MAGED1: variants seen among roughly 807,000 people sequenced by gnomAD.
MAGED1 encodes melanoma-associated antigen D1.
A neutral mutation model predicts 54.1 loss-of-function variants in MAGED1; 3 were observed. The ratio of observed to expected loss-of-function variants is 0.06; its 90% CI spans 0.03 to 0.14. MAGED1 has a LOEUF of 0.14. Among genes scored for constraint, MAGED1 ranks in the 10% least tolerant of loss-of-function variants. MAGED1 has a pLI of 1.00. For synonymous variants in MAGED1, 217 were observed against 227.3 expected (o/e 0.95, Z 0.41); for missense variants, 485 against 623.4 (o/e 0.78, Z 2.36).
intron 1 of MAGED1, among the ~76,000 whole-genome samples, chrX:51,841,278 G>T (rs1185767516): frequency 9.1e-6 from 1 of 110,346 alleles, no homozygotes; most frequent in Non-Finnish European, 1.9e-5. Flanking sequence ...TTTTTGATGG[G>T]GTTGTTTGTT....
intron 1 of MAGED1, among the ~76,000 whole-genome samples, chrX:51,851,615 A>G (rs1271620222): frequency 1.8e-5 from 2 of 109,411 alleles, no homozygotes; most frequent in African/African-American, 3.3e-5. Context: ...CTCTCAAAAT[A>G]TCTTATTGCA....
At chrX:51,849,599 A>G (rs890759727) in intron 1 of MAGED1, among the ~76,000 whole-genome samples, 3 of 111,355 alleles carry the variant, frequency 2.7e-5, no homozygotes, top group Non-Finnish European at 3.8e-5. Context: ...TTGTGTGCCT[A>G]TTGCTCTCAT....
rs1929044371 is a variant in MAGED1, at chrX:51,901,950, A to G, written c.*8+12A>G. ...GAGTGAGATGTTGGGTAGGTACATC[A>G]CTTTGGATTGGGCAGTTAGGGTCTC... On this transcript the variant is annotated intron_variant, in intron 12 of 12. Coordinates refer to ENST00000326587, the MANE Select transcript of MAGED1 (RefSeq NM_006986.4). 3 of 1,187,831 alleles carry G rather than the reference A, an allele frequency of 2.5e-6. No homozygotes were observed. The highest frequency in any genetic ancestry group is 3.4e-6 in the Non-Finnish European group (3 of 882,685).
intron 1 of MAGED1, among the ~76,000 whole-genome samples, chrX:51,828,645 A>T (rs2146962218): frequency 9.1e-6 from 1 of 110,427 alleles, no homozygotes; most frequent in Non-Finnish European, 1.9e-5. Context: ...AAAGTTATTG[A>T]TTTTCATTTT....
intron 1 of MAGED1, among the ~76,000 whole-genome samples, chrX:51,819,309 A>G (rs1289287664): frequency 9.1e-6 from 1 of 110,171 alleles, no homozygotes; most frequent in East Asian, 2.9e-4. Context: ...GGCCCTAACC[A>G]CAACGAAAAC....
intron 1 of MAGED1, among the ~76,000 whole-genome samples, chrX:51,869,945 C>T (rs782760319): frequency 1.5e-4 from 17 of 111,278 alleles, no homozygotes; most frequent in African/African-American, 5.2e-4. Context: ...TATCATAGCT[C>T]ACTGCAGCCT....
intron 1 of MAGED1, among the ~76,000 whole-genome samples, chrX:51,804,737 A>G (rs782053904): frequency 6.8e-4 from 76 of 111,844 alleles, no homozygotes; most frequent in Non-Finnish European, 5.8e-4. Context: ...AAAAAAAGAA[A>G]TAAATATGTA....
intron 1 of MAGED1, among the ~76,000 whole-genome samples, chrX:51,848,413 C>T (rs1557359430): frequency 9.0e-6 from 1 of 111,646 alleles, no homozygotes; most frequent in East Asian, 2.8e-4. Flanking sequence ...AGCTGTTATA[C>T]TCATGGTTAC....
intron 1 of MAGED1, among the ~76,000 whole-genome samples, chrX:51,850,671 G>A (rs1926853876): frequency 9.0e-6 from 1 of 111,178 alleles, no homozygotes; most frequent in Non-Finnish European, 1.9e-5. Context: ...GGCCAAGGCA[G>A]GCACATCACC....
chrX:51,855,063 C>T (rs1927037825), intron 1 of MAGED1, among the ~76,000 whole-genome samples: 1 of 112,163 alleles, frequency 8.9e-6, no homozygotes, highest in South Asian at 3.7e-4. Flanking sequence ...GTCCCTCTCT[C>T]CCTGATTTGG....
intron 1 of MAGED1, among the ~76,000 whole-genome samples, chrX:51,871,476 A>T (rs782695847): frequency 8.7e-4 from 94 of 108,245 alleles, no homozygotes; most frequent in African/African-American, 3.0e-3. Flanking sequence ...CCTGTGTCCA[A>T]GTGTTCTCAT....
At chrX:51,858,030 C>T (rs5991738) in intron 1 of MAGED1, 1 of 111,404 alleles carries the variant, frequency 9.0e-6, no homozygotes, top group East Asian at 2.8e-4. Context: ...GAGAAAATCA[C>T]GTCTTGGTAA....
chrX:51,885,468 C>T (rs887616411), intron 1 of MAGED1, among the ~76,000 whole-genome samples: 1 of 110,638 alleles, frequency 9.0e-6, no homozygotes, highest in Non-Finnish European at 1.9e-5. Context: ...TATTGGAGTT[C>T]CTTATATATT....
intron 1 of MAGED1, among the ~76,000 whole-genome samples, chrX:51,862,116 TC>T (rs1358822425): frequency 1.8e-5 from 2 of 111,555 alleles, no homozygotes; most frequent in Admixed American, 9.5e-5. Flanking sequence ...TTCCACTTTA[TC>T]CCTAATATTC....
Position 51,820,514 on chromosome X carries a change from A to G in MAGED1, c.-37+17397A>G, listed in dbSNP as rs782016913. On this transcript the variant is annotated intron_variant, in intron 1 of 12. Coordinates refer to the MAGED1 transcript ENST00000375772. The stretch of plus-strand genomic sequence containing the variant: ...ACACATTAAGGTCCCCATACCCAGT[A>G]TTGTTGACAAGTCTTTCACCTCCTT... 2.7e-5 allele frequency among the ~76,000 whole-genome samples: 3 copies of G among 111,936 alleles called. No homozygotes were observed. The East Asian group carries it at 8.4e-4, about 31-fold the overall frequency.
At chrX:51,812,950 A>G (rs185279705) in intron 1 of MAGED1, among the ~76,000 whole-genome samples, 12 of 105,858 alleles carry the variant, frequency 1.1e-4, no homozygotes, top group African/African-American at 3.4e-4. Flanking sequence ...TTAAATTACA[A>G]CCATCTTAGT....
intron 1 of MAGED1, among the ~76,000 whole-genome samples, chrX:51,877,388 CTG>C (rs1412883054): frequency 9.0e-6 from 1 of 111,476 alleles, no homozygotes; most frequent in Non-Finnish European, 1.9e-5. Context: ...ATGTTCAGCA[CTG>C]TTAAGGGTAT....
chrX:51,873,056 AAAT>A (rs1165888106), intron 1 of MAGED1, among the ~76,000 whole-genome samples: 30 of 107,089 alleles, frequency 2.8e-4, no homozygotes, highest in African/African-American at 9.3e-4. Flanking sequence ...AAAAAAAAAA[AAAT>A]AAATAAAAAA....
chrX:51,863,104 A>ACCAT (rs1164853563), intron 1 of MAGED1, among the ~76,000 whole-genome samples: 8 of 111,988 alleles, frequency 7.1e-5, no homozygotes, highest in Non-Finnish European at 1.5e-4. Context: ...GTATCCTTTG[A>ACCAT]CCATCTCTCC....
Sources: gnomAD v4.1 joint callset for allele counts (sites outside exome capture counted in the v4.1 genomes callset) on GRCh38, gnomAD v4.1.1 for gene constraint, MANE v1.5 for transcripts, NCBI Gene and HGNC (gene_info 2026-07-23, HGNC 2026-07-21) for gene names.